The following RABGEF1 variants were observed in gnomAD, a reference collection of about 807,000 sequenced individuals.
RABGEF1 encodes rab5 GDP/GTP exchange factor.
In RABGEF1, 26 loss-of-function variants were observed where a neutral mutation model predicts 57.3. That is an observed-to-expected ratio of 0.45 (90% CI 0.33 to 0.63). The LOEUF (loss-of-function observed/expected upper bound fraction) is 0.63, where lower values mean the gene tolerates loss of function less well. RABGEF1 is among the 20% of genes least tolerant of loss of function. The pLI, the probability that RABGEF1 is intolerant of heterozygous loss-of-function variation, is 0.02. For synonymous variants in RABGEF1, 185 were observed against 210.7 expected, an observed-to-expected ratio of 0.88 and a Z score of 1.06; for missense variants, 464 against 607.6, an observed-to-expected ratio of 0.76 and a Z score of 2.48.
chr7:66,777,483 C>T (rs2129128199), intron 3 of RABGEF1, among the ~76,000 whole-genome samples: 1 of 151,798 alleles, frequency 6.6e-6, no homozygotes. Context: ...AATTAAGTTT[C>T]TGTTACTTAA....
At position 66,748,541 on chromosome 7, in the gene RABGEF1, A is replaced by G. The variant is rs555897387; in HGVS notation, c.-18+7749A>G. Among the ~76,000 whole-genome samples, 31 of 152,320 alleles carry G rather than the reference A, an allele frequency of 2.0e-4. No individual in the cohort carries two copies. In the South Asian group the frequency reaches 6.0e-3, roughly 30 times the overall value. ...CGATGGAACAGTCTGACAAGGGCACATATTTGTTTGTTTGTTTTTTGAGGA... is the reference window on the plus strand; with the variant it reads ...CGATGGAACAGTCTGACAAGGGCACGTATTTGTTTGTTTGTTTTTTGAGGA... On this transcript the variant is annotated intron_variant, in intron 1 of 8. Coordinates refer to ENST00000284957, the MANE Select transcript of RABGEF1 (RefSeq NM_014504.3).
At chr7:66,795,478 G>A (rs1237302162) in intron 4 of RABGEF1, 33 bp from the exon 5 acceptor site, 2 of 1,544,340 alleles carry the variant, frequency 1.3e-6, no homozygotes, top group African/African-American at 1.4e-5. Flanking sequence ...ACTTTGTTCA[G>A]CTACAAGCAG....
At chr7:66,802,836 A>G (rs1333186566) in intron 7 of RABGEF1, among the ~76,000 whole-genome samples, 1 of 152,238 alleles carries the variant, frequency 6.6e-6, no homozygotes, top group Non-Finnish European at 1.5e-5. Context: ...CAGATAAAAC[A>G]TAATTCACTT....
intron 8 of RABGEF1, among the ~76,000 whole-genome samples, chr7:66,807,315 G>C (rs762183065): frequency 5.9e-4 from 90 of 152,278 alleles, no homozygotes; most frequent in Non-Finnish European, 3.8e-4. Flanking sequence ...CGAACCCCAC[G>C]GGCACTCACA....
intron 1 of RABGEF1, among the ~76,000 whole-genome samples, chr7:66,706,410 G>A (rs1244463174): frequency 3.3e-5 from 5 of 151,954 alleles, no homozygotes; most frequent in African/African-American, 1.2e-4. Context: ...TTTCCAAAGT[G>A]GCTGTACTAT....
chr7:66,787,556 G>T (rs1310043692), intron 4 of RABGEF1, among the ~76,000 whole-genome samples: 1 of 151,954 alleles, frequency 6.6e-6, no homozygotes, highest in Admixed American at 6.6e-5. Context: ...TGTTAGCCAG[G>T]CTGGTCATGA....
At chr7:66,733,545 A>G (rs921955119) in intron 2 of RABGEF1, among the ~76,000 whole-genome samples, 1 of 152,082 alleles carries the variant, frequency 6.6e-6, no homozygotes, top group African/African-American at 2.4e-5. Context: ...TAAAAATACA[A>G]AAATTAGCTG....
intron 1 of RABGEF1, chr7:66,756,009 A>G: frequency 1.4e-6 from 2 of 1,445,946 alleles, no homozygotes; most frequent in Non-Finnish European, 1.8e-6. Context: ...AAGTTGGTGA[A>G]CCTTGGATTA....
upstream of RABGEF1, chr7:66,682,086 G>T: frequency 6.0e-6 from 1 of 167,844 alleles, no homozygotes. Flanking sequence ...CGCGCCGTGC[G>T]TTACGGGCGT....
At chr7:66,808,252 G>C (rs1212466996) in intron 8 of RABGEF1, among the ~76,000 whole-genome samples, 3 of 148,764 alleles carry the variant, frequency 2.0e-5, no homozygotes, top group African/African-American at 7.4e-5. Context: ...GTCTTGCTCT[G>C]TCACCCAGGC....
chr7:66,743,854 C>A (rs1220827665), intron 1 of RABGEF1, among the ~76,000 whole-genome samples: 1 of 151,984 alleles, frequency 6.6e-6, no homozygotes, highest in Non-Finnish European at 1.5e-5. Context: ...TGCTCTCCAA[C>A]CCCTGGCCTC....
intron 1 of RABGEF1, among the ~76,000 whole-genome samples, chr7:66,686,076 A>T (rs62466126): frequency 0.039 from 5,994 of 152,128 alleles, 165 homozygotes; most frequent in East Asian, 0.085. Flanking sequence ...GCCAGGAGTT[A>T]GAGACCAGCC....
upstream of RABGEF1, among the ~76,000 whole-genome samples, chr7:66,681,651 G>C (rs1789749135): frequency 6.6e-6 from 1 of 152,176 alleles, no homozygotes; most frequent in South Asian, 2.1e-4. Flanking sequence ...CGATCCTCCT[G>C]CCTGGGCCTC....
At position 66,746,855 on chromosome 7, in the gene RABGEF1, C is replaced by T. The variant is rs952316270; in HGVS notation, c.-18+6063C>T. On this transcript the variant is annotated intron_variant, in intron 1 of 8. Transcript: ENST00000284957. The stretch of plus-strand genomic sequence containing the variant: ...TTGCCCAGGCTGGAGTGCAATAGTG[C>T]GATCTTGGCTTACTACAACCTCTGC... Among the ~76,000 whole-genome samples the T allele has an allele frequency of 5.9e-5, 9 of 151,688 alleles. No individual in the cohort carries two copies. In the East Asian group the frequency reaches 1.4e-3, roughly 23 times the overall value.
rs576782769 is a variant in RABGEF1, at chr7:66,720,395, G to A, written c.-815+8171G>A. Reference sequence around the variant, plus strand: ...GTATTTTTAGTAGAGACGGGGTTTCGCCATGTTGGCCAGGCTGGTCTCGAA... The same window carrying A: ...GTATTTTTAGTAGAGACGGGGTTTCACCATGTTGGCCAGGCTGGTCTCGAA... On this transcript the variant is annotated intron_variant and NMD_transcript_variant, in intron 2 of 9. Coordinates refer to the RABGEF1 transcript ENST00000607882. 1.5e-4 allele frequency among the ~76,000 whole-genome samples: 22 copies of A among 150,714 alleles called. No homozygotes were observed. In the East Asian group the frequency reaches 3.9e-3, roughly 27 times the overall value.
chr7:66,687,556 GC>G (rs1213651676), intron 1 of RABGEF1, among the ~76,000 whole-genome samples: 1 of 151,954 alleles, frequency 6.6e-6, no homozygotes, highest in Non-Finnish European at 1.5e-5. Context: ...GCATGTTCCT[GC>G]AGTCCAAGCT....
rs1224800315 is a variant in RABGEF1 at position 66,753,701 on chromosome 7, G to GTTTTTTTTTTTTTT, written c.-18+12919_-18+12932dup. Reference sequence around the variant, plus strand: ...ATCTGAAAATGTCTATTTTGCCATCGTTTTTTTTTTTTTTTTTTTTTTTGA... The same window carrying GTTTTTTTTTTTTTT: ...ATCTGAAAATGTCTATTTTGCCATCGTTTTTTTTTTTTTTTTTTTTTTTTTTTTTTTTTTTTTGA... On this transcript the variant is annotated intron_variant, in intron 1 of 8. Coordinates refer to ENST00000284957, the MANE Select transcript of RABGEF1 (RefSeq NM_014504.3). 2.5e-4 allele frequency among the ~76,000 whole-genome samples: 20 copies of GTTTTTTTTTTTTTT among 78,772 alleles called. 4 individuals carry two copies. Among genetic ancestry groups the GTTTTTTTTTTTTTT allele is most frequent in the Middle Eastern group, 0.034 (2 of 58 alleles). 51.7% of individuals were successfully genotyped at this position (78,772 alleles called of 152,430 possible). A position where few individuals can be genotyped will look rare whatever the true frequency, so the allele number is the denominator to read the frequency against.
chr7:66,781,540 G>A (rs1004992777), intron 3 of RABGEF1, among the ~76,000 whole-genome samples: 3 of 152,052 alleles, frequency 2.0e-5, no homozygotes, highest in African/African-American at 7.2e-5. Flanking sequence ...ATAGGCCACG[G>A]TGTGTGATGT....
chr7:66,786,068 A>G (rs1476040761), intron 4 of RABGEF1, among the ~76,000 whole-genome samples: 1 of 152,164 alleles, frequency 6.6e-6, no homozygotes, highest in East Asian at 1.9e-4. Context: ...ACTGCATCCC[A>G]CAGTATTATT....
Sources: allele counts gnomAD v4.1 joint callset (sites outside exome capture counted in the v4.1 genomes callset), GRCh38; gene constraint gnomAD v4.1.1; transcripts MANE v1.5; gene names NCBI Gene and HGNC (gene_info 2026-07-23, HGNC 2026-07-21).